The following COL6A2 variants were observed in gnomAD, a reference collection of about 807,000 sequenced individuals.
The protein encoded by COL6A2 is collagen type VI alpha 2 chain.
In COL6A2, 90 loss-of-function variants were observed where a neutral mutation model predicts 124.9. The observed-to-expected ratio is 0.72, with a 90% confidence interval of 0.61 to 0.86. COL6A2 has a LOEUF of 0.86. Among genes scored for constraint, COL6A2 ranks in the 40% least tolerant of loss-of-function variants. COL6A2 has a pLI of 0.00. For missense variants in COL6A2, 1,607 were observed against 1,502.5 expected, an observed-to-expected ratio of 1.07 and a Z score of -1.15; for synonymous variants, 793 against 618.2, an observed-to-expected ratio of 1.28 and a Z score of -4.19.
At chr21:46,115,334 C>T (rs2839108) in intron 5 of COL6A2, among the ~76,000 whole-genome samples, 97,756 of 152,164 alleles carry the variant, frequency 0.64, 33,135 homozygotes, top group Admixed American at 0.76. Context: ...TAATTCTTCC[C>T]CTTTCCTCTG....
chr21:46,111,494 C>G lies in COL6A2; in HGVS notation c.18C>G (p.Cys6Trp). 1 of 1,612,540 alleles carries G rather than the reference C, an allele frequency of 6.2e-7. No homozygotes were observed. Among genetic ancestry groups the G allele is most frequent in the Non-Finnish European group, 8.5e-7 (1 of 1,179,608 alleles). The change falls in exon 2 of 28, where the codon TGC becomes TGG. Residue 6 changes from cysteine to tryptophan, a missense_variant. Coordinates refer to ENST00000300527, the MANE Select transcript of COL6A2 (RefSeq NM_001849.4). MLQGT[C>W]SVLLLWGILG... is the part of the protein sequence containing the mutation. ...CTGCCAAGATGCTCCAGGGCACCTG[C>G]TCCGTGCTCCTGCTCTGGGGAATCC... is the stretch of plus-strand genomic sequence containing the variant.
Position 46,116,640 on chromosome 21 carries a change from C to G in COL6A2, c.928-11C>G. ...CACCGAGCTCACTGCGCCGGCTTTC[C>G]TCCTACACAGGGTGAATTTGGAGCC... On this transcript the variant is annotated splice_polypyrimidine_tract_variant and intron_variant, in intron 8 of 27. Transcript: ENST00000300527. The surrounding 1 kb of genome is among the most constrained non-coding windows in gnomAD (Gnocchi z 4.6). The G allele has an allele frequency of 6.2e-7, 1 of 1,613,016 alleles. No individual in the cohort carries two copies. Among genetic ancestry groups the G allele is most frequent in the African/African-American group, 1.3e-5 (1 of 75,050 alleles).
chr21:46,125,822 C>G lies in COL6A2; in HGVS notation c.2007C>G (p.Gly669=), dbSNP rs369568238. ...RVGVVQYSHE[G]TFEAIQLDDE... ...GCGTGGTGCAGTACAGCCACGAGGG[C>G]ACCTTTGAGGCCATCCAGCTGGACG... Residue 669 remains glycine (G), a synonymous_variant, in exon 26 of 28, where the codon GGC becomes GGG. Coordinates refer to ENST00000300527, the MANE Select transcript of COL6A2 (RefSeq NM_001849.4). 1 of 1,612,518 alleles carries G rather than the reference C, an allele frequency of 6.2e-7. No homozygotes were observed. Among genetic ancestry groups the G allele is most frequent in the East Asian group, 2.2e-5 (1 of 44,806 alleles).
At chr21:46,129,204 T>G in intron 27 of COL6A2, 1 of 1,612,924 alleles carries the variant, frequency 6.2e-7, no homozygotes, top group Non-Finnish European at 8.5e-7. Flanking sequence ...AGATGCACCG[T>G]GGCCTGGCGG....
Position 46,121,758 on chromosome 21 carries a change from GA to G in COL6A2, c.1521+141del. ...CCTGTGCCTCCTGTTCTCAGCTCTG[GA>G]GTGAGGGGATGCCTCCGGGGTCCAG... is the stretch of plus-strand genomic sequence containing the variant. On this transcript the variant is annotated intron_variant, in intron 18 of 27. Transcript: ENST00000300527. The G allele has an allele frequency of 3.6e-6, 3 of 837,042 alleles. No homozygotes were observed. In the South Asian group the frequency reaches 4.7e-5, roughly 13 times the overall value. The allele number at this position is 837,042 out of a possible 1,614,324, so 51.9% of individuals were successfully genotyped here. A position where few individuals can be genotyped will look rare whatever the true frequency, so the allele number is the denominator to read the frequency against.
In COL6A2 at chr21:46,111,960, C is replaced by T; in HGVS notation, c.116-19C>T. On this transcript the variant is annotated intron_variant, in intron 2 of 27. Coordinates refer to ENST00000300527, the MANE Select transcript of COL6A2 (RefSeq NM_001849.4). ...AGTCCCTCCTGAGGCTGGCTCGTGA[C>T]AGGTCCTGTGCCCCACAGAGAAGAC... 1 of 1,607,902 alleles carries T rather than the reference C, an allele frequency of 6.2e-7. No individual in the cohort carries two copies. Among genetic ancestry groups the T allele is most frequent in the Non-Finnish European group, 8.5e-7 (1 of 1,178,142 alleles).
At chr21:46,120,386 C>G in intron 15 of COL6A2, 129 bp from the exon 16 acceptor site, 1 of 707,510 alleles carries the variant, frequency 1.4e-6, no homozygotes, top group Non-Finnish European at 2.4e-6. Flanking sequence ...TGTTGCAGGT[C>G]CCCCGGGACA....
chr21:46,132,715 GCCCAGCCCCAGGTCTC>G lies in COL6A2; in HGVS notation c.*169_*184del. ...CGGGGTCCCCGTAGCCCCGGCCCCCGCCCAGCCCCAGGTCTCCCCAGGCCCTCCGCAGGCTGCCCGG... is the reference window on the plus strand; with the variant it reads ...CGGGGTCCCCGTAGCCCCGGCCCCCGCCCAGGCCCTCCGCAGGCTGCCCGG... On this transcript the variant is annotated 3_prime_UTR_variant, in exon 28 of 28. Transcript: ENST00000300527. The G allele has an allele frequency of 1.4e-6, 1 of 701,290 alleles. No individual in the cohort carries two copies. Among genetic ancestry groups the G allele is most frequent in the Non-Finnish European group, 2.3e-6 (1 of 427,808 alleles). 43.4% of individuals were successfully genotyped at this position (701,290 alleles called of 1,614,324 possible). A position where few individuals can be genotyped will look rare whatever the true frequency, so the allele number is the denominator to read the frequency against.
Position 46,116,299 on chromosome 21 carries a change from A to T in COL6A2, c.901-78A>T. ...CAGCGGCCCACCGAGCACTCCCCTC[A>T]GCCTGCAGGGCTGGCCCTTCCCTGC... On this transcript the variant is annotated intron_variant, in intron 7 of 27. Coordinates refer to ENST00000300527, the MANE Select transcript of COL6A2 (RefSeq NM_001849.4). The surrounding 1 kb of genome is among the most constrained non-coding windows in gnomAD (Gnocchi z 4.6). 3 of 1,531,290 alleles carry T rather than the reference A, an allele frequency of 2.0e-6. No individual in the cohort carries two copies. Among genetic ancestry groups the T allele is most frequent in the Non-Finnish European group, 2.7e-6 (3 of 1,113,058 alleles). 94.9% of individuals were successfully genotyped at this position (1,531,290 alleles called of 1,614,324 possible).
At chr21:46,101,627 G>A (rs1306121541) in intron 1 of COL6A2, among the ~76,000 whole-genome samples, 3 of 152,078 alleles carry the variant, frequency 2.0e-5, no homozygotes, top group South Asian at 4.1e-4. Flanking sequence ...ATATCTAGTT[G>A]TCTCTGCACC....
At chr21:46,131,746 G>C (rs1285941093) in intron 27 of COL6A2, among the ~76,000 whole-genome samples, 1 of 152,336 alleles carries the variant, frequency 6.6e-6, no homozygotes, top group Non-Finnish European at 1.5e-5. Flanking sequence ...ACCAGCAGAG[G>C]AGATGGCGGC....
chr21:46,106,412 C>T (rs2123600669), intron 1 of COL6A2, among the ~76,000 whole-genome samples: 1 of 152,256 alleles, frequency 6.6e-6, no homozygotes, highest in South Asian at 2.1e-4. Context: ...CTCACTGGGC[C>T]TTGGTTTCCT....
At chr21:46,124,290 TGATTGGGC>T (rs1601245252) in intron 21 of COL6A2, among the ~76,000 whole-genome samples, 2 of 151,392 alleles carry the variant, frequency 1.3e-5, no homozygotes, top group Non-Finnish European at 2.9e-5. Context: ...GATGGATGGG[TGATTGGGC>T]GAATGGGCGA....
In COL6A2 at chr21:46,112,606, G is replaced by A. The variant is rs11089047; in HGVS notation, c.714+29G>A. ...AGCCGCGGGCGGGAGCACCGTCCACGCGCCAGGGGTGGCCACGGTGGGCCG... is the reference window on the plus strand; with the variant it reads ...AGCCGCGGGCGGGAGCACCGTCCACACGCCAGGGGTGGCCACGGTGGGCCG... On this transcript the variant is annotated intron_variant, in intron 3 of 27. Coordinates refer to ENST00000300527, the MANE Select transcript of COL6A2 (RefSeq NM_001849.4). The A allele has an allele frequency of 7.1e-3, 11,456 of 1,608,588 alleles. 704 individuals carry two copies. The African/African-American group carries it at 0.13, about 19-fold the overall frequency.
At chr21:46,123,576 G>A (rs1466902479) in intron 21 of COL6A2, among the ~76,000 whole-genome samples, 1 of 151,954 alleles carries the variant, frequency 6.6e-6, no homozygotes, top group African/African-American at 2.4e-5. Context: ...ATGGATGAGT[G>A]AATAGAAGAG....
At chr21:46,123,804 GTGGGTGGGTGGATGAATGGA>G (rs2078608502) in intron 21 of COL6A2, among the ~76,000 whole-genome samples, 3 of 148,654 alleles carry the variant, frequency 2.0e-5, no homozygotes, top group African/African-American at 7.5e-5. Flanking sequence ...GGATGGGTTA[GTGGGTGGGTGGATGAATGGA>G]TGGGTGCATA....
At chr21:46,111,105 C>T (rs370499332) in intron 1 of COL6A2, among the ~76,000 whole-genome samples, 6 of 152,162 alleles carry the variant, frequency 3.9e-5, no homozygotes, top group Admixed American at 2.0e-4. Flanking sequence ...CAGTGGGGGG[C>T]GCCAGACAGT....
chr21:46,111,568 C>T lies in COL6A2; in HGVS notation c.92C>T (p.Thr31Ile). Residue 31 changes from threonine (T) to isoleucine (I), a missense_variant, in exon 2 of 28, where the codon ACC (threonine) becomes ATC (isoleucine). Thr to Ile is a moderately conservative substitution (Grantham distance 89). This residue lies in a region of COL6A2 where 342 missense variants were observed against 381.5 expected (regional missense o/e 0.90). Transcript: ENST00000300527. ...CAGGAGGTCATCTCGCCGGACACTA[C>T]CGAGAGAAACAACAACTGCCCAGGT... ...QQQEVISPDTTERNNNCPEKT... is the reference protein window; with the variant it reads ...QQQEVISPDTIERNNNCPEKT... 6.2e-7 allele frequency: 1 copy of T among 1,612,760 alleles called. No homozygotes were observed. The highest frequency in any genetic ancestry group is 8.5e-7 in the Non-Finnish European group (1 of 1,179,892).
chr21:46,130,227 C>T (rs1601262069), intron 27 of COL6A2, among the ~76,000 whole-genome samples: 1 of 152,186 alleles, frequency 6.6e-6, no homozygotes, highest in Non-Finnish European at 1.5e-5. Flanking sequence ...GTGTCTGCAC[C>T]CTTCCAGCCC....
Sources: gnomAD v4.1 joint callset for allele counts (sites outside exome capture counted in the v4.1 genomes callset) on GRCh38, gnomAD v4.1.1 for gene constraint, gnomAD v4.1.1 regional missense constraint, Gnocchi (gnomAD v3.1) non-coding constraint, MANE v1.5 for transcripts, NCBI Gene and HGNC (gene_info 2026-07-23, HGNC 2026-07-21) for gene names.